The following RAD1 variants were observed in gnomAD, a reference collection of about 807,000 sequenced individuals.
The protein encoded by RAD1 is RAD1 checkpoint DNA exonuclease, also known as cell cycle checkpoint protein RAD1.
RAD1 carries 21 observed loss-of-function variants against 30.0 expected under a neutral mutation model. The ratio of observed to expected loss-of-function variants is 0.70; its 90% CI spans 0.50 to 1.01. RAD1 has a LOEUF of 1.01. Ranked by LOEUF, RAD1 falls within the 50% of genes least tolerant of loss-of-function variation. The probability of loss-of-function intolerance (pLI) is 0.00; values close to 1 mark genes in which losing one functional copy is unlikely to be tolerated. For synonymous variants in RAD1, 109 were observed against 113.6 expected (o/e 0.96, Z 0.26); for missense variants, 329 against 329.0 (o/e 1.00, Z 0.00).
chr5:34,908,975 T>C (rs1763746807), intron 5 of RAD1, 27 bp from the exon 6 acceptor site: 1 of 1,570,524 alleles, frequency 6.4e-7, no homozygotes, highest in Non-Finnish European at 8.7e-7. Context: ...AAAACGCTGT[T>C]ATATCAACAC....
intron 2 of RAD1, chr5:34,913,809 C>T: frequency 1.9e-6 from 1 of 528,426 alleles, no homozygotes; most frequent in Non-Finnish European, 3.5e-6. Flanking sequence ...GTTTTTGTGC[C>T]TATCACTACT....
Position 34,905,415 on chromosome 5 carries a change from T to C in RAD1, c.*3350A>G, listed in dbSNP as rs1763617333. The C allele has an allele frequency of 6.6e-6, 1 of 152,172 alleles. No homozygotes were observed. Among genetic ancestry groups the C allele is most frequent in the South Asian group, 2.1e-4 (1 of 4,832 alleles). The allele number at this position is 152,172 out of a possible 1,614,324, so 9.4% of individuals were successfully genotyped here. ...GCCCTTTTAGCAATTTTAATTAATT[T>C]TTACTAGGACTTTGGTAACACCACA... On this transcript the variant is annotated 3_prime_UTR_variant, in exon 6 of 6. Transcript: ENST00000382038.
rs751978805 is a variant in RAD1, at chr5:34,914,938, A to T, written c.-46T>A. 1 of 1,602,896 alleles carries T rather than the reference A, an allele frequency of 6.2e-7. No individual in the cohort carries two copies. Among genetic ancestry groups the T allele is most frequent in the East Asian group, 2.2e-5 (1 of 44,768 alleles). ...CCGAGGGATGCTCCTGGGGCCAACA[A>T]CTTCTCGGCGGATCGCCAAACACCT... On this transcript the variant is annotated 5_prime_UTR_variant, in exon 2 of 6. The change creates a new upstream start codon in the 5' untranslated region. Coordinates refer to ENST00000382038, the MANE Select transcript of RAD1 (RefSeq NM_002853.4).
At chr5:34,909,118 G>GT in intron 5 of RAD1, 140 bp downstream of exon 5, 3 of 870,652 alleles carry the variant, frequency 3.4e-6, no homozygotes, top group South Asian at 1.8e-5. Context: ...ACATCCCCTA[G>GT]TAAGTCCAGC....
Position 34,909,338 on chromosome 5 carries a change from A to G in RAD1, c.585T>C (p.Asn195=). 1 of 1,607,174 alleles carries G rather than the reference A, an allele frequency of 6.2e-7. No homozygotes were observed. Residue 195 remains asparagine (N), a synonymous_variant, in exon 5 of 6, where the codon AAT becomes AAC. Coordinates refer to ENST00000382038, the MANE Select transcript of RAD1 (RefSeq NM_002853.4). ...GATAGTCAAGGTGGGAACTTCCTGC[A>G]TTTCCAAAAGTAGATAACCTATAGA... ...KPYFRLSTFG[N]AGSSHLDYPK... is the part of the protein sequence containing the mutation.
At position 34,906,769 on chromosome 5, in the gene RAD1, T is replaced by C. The variant is rs951750224; in HGVS notation, c.*1996A>G. 1 of 152,244 alleles carries C rather than the reference T, an allele frequency of 6.6e-6. No individual in the cohort carries two copies. Among genetic ancestry groups the C allele is most frequent in the African/African-American group, 2.4e-5 (1 of 41,452 alleles). The allele number at this position is 152,244 out of a possible 1,614,324, so 9.4% of individuals were successfully genotyped here. A position where few individuals can be genotyped will look rare whatever the true frequency, so the allele number is the denominator to read the frequency against. On this transcript the variant is annotated 3_prime_UTR_variant, in exon 6 of 6. Transcript: ENST00000382038. Reference sequence around the variant, plus strand: ...TCTTTCATCTAACAGAGTTACTAAATGCCCATTATATGTTAGGCGCCGTTC... The same window carrying C: ...TCTTTCATCTAACAGAGTTACTAAACGCCCATTATATGTTAGGCGCCGTTC...
rs773273582 is a variant in RAD1, at chr5:34,914,784, G to C, written c.109C>G (p.Arg37Gly). The C allele has an allele frequency of 1.2e-6, 2 of 1,614,178 alleles. No individual in the cohort carries two copies. The highest frequency in any genetic ancestry group is 2.2e-5 in the South Asian group (2 of 91,084). ...GTTGCGAAACACGTGGCATGTTCTC[G>C]GAAATGAATAGCTTTCAAGATAGTG... ...LSTILKAIHF[R>G]EHATCFATKN... The change falls in exon 2 of 6, where the codon CGA becomes GGA. Residue 37 changes from arginine (R) to glycine (G), a missense_variant. Physicochemically the swap from Arg to Gly is moderately radical, Grantham distance 125 (BLOSUM62 -2). Transcript: ENST00000382038.
At chr5:34,913,710 C>CT in intron 2 of RAD1, 132 bp from the exon 3 acceptor site, 1 of 611,820 alleles carries the variant, frequency 1.6e-6, no homozygotes, top group Non-Finnish European at 2.9e-6. Context: ...TTCTGATTAG[C>CT]AATCAAAACA....
In RAD1 at chr5:34,907,774, A is replaced by G. The variant is rs1763698507; in HGVS notation, c.*991T>C. The G allele has an allele frequency of 6.6e-6, 1 of 152,364 alleles. No homozygotes were observed. The highest frequency in any genetic ancestry group is 2.1e-4 in the South Asian group (1 of 4,828). 9.4% of individuals were successfully genotyped at this position (152,364 alleles called of 1,614,324 possible). On this transcript the variant is annotated 3_prime_UTR_variant, in exon 6 of 6. Coordinates refer to ENST00000382038, the MANE Select transcript of RAD1 (RefSeq NM_002853.4). ...TTCAAAAGGTCTACTTTAAAAATAA[A>G]TCACATAAAGAATTGTTCAGACTTG...
At chr5:34,910,954 T>C (rs1490841348) in intron 4 of RAD1, among the ~76,000 whole-genome samples, 2 of 152,226 alleles carry the variant, frequency 1.3e-5, no homozygotes, top group East Asian at 1.9e-4. Context: ...CTGCCCTCCC[T>C]TGGGAAGCCA....
At position 34,908,246 on chromosome 5, in the gene RAD1, T is replaced by G. The variant is rs1247184397; in HGVS notation, c.*519A>C. ...TGGAGTGCAATGGCGTCATCTCAGC[T>G]CACCACAACCTCCGCCTCCCGGGTT... On this transcript the variant is annotated 3_prime_UTR_variant, in exon 6 of 6. Coordinates refer to ENST00000382038, the MANE Select transcript of RAD1 (RefSeq NM_002853.4). The G allele has an allele frequency of 6.7e-6, 1 of 148,506 alleles. No individual in the cohort carries two copies. Among genetic ancestry groups the G allele is most frequent in the East Asian group, 2.0e-4 (1 of 5,010 alleles). 9.2% of individuals were successfully genotyped at this position (148,506 alleles called of 1,614,324 possible). A position where few individuals can be genotyped will look rare whatever the true frequency, so the allele number is the denominator to read the frequency against.
rs1318294571 is a variant in RAD1 at position 34,914,935 on chromosome 5, A to G, written c.-43T>C. The G allele has an allele frequency of 6.2e-7, 1 of 1,606,982 alleles. No homozygotes were observed. Among genetic ancestry groups the G allele is most frequent in the South Asian group, 1.1e-5 (1 of 90,896 alleles). ...GCCCCGAGGGATGCTCCTGGGGCCA[A>G]CAACTTCTCGGCGGATCGCCAAACA... On this transcript the variant is annotated 5_prime_UTR_variant, in exon 2 of 6. Transcript: ENST00000382038.
In RAD1 at chr5:34,907,387, A is replaced by G. The variant is rs1263655863; in HGVS notation, c.*1378T>C. 5 of 152,194 alleles carry G rather than the reference A, an allele frequency of 3.3e-5. 1 individual carries two copies. Among genetic ancestry groups the G allele is most frequent in the Admixed American group, 2.0e-4 (3 of 15,282 alleles). 9.4% of individuals were successfully genotyped at this position (152,194 alleles called of 1,614,324 possible). ...GGGATGACAGGTTTTTATCCTAAAG[A>G]ACTGTCTCACTCAAAAGGCCAATAG... On this transcript the variant is annotated 3_prime_UTR_variant, in exon 6 of 6. Coordinates refer to ENST00000382038, the MANE Select transcript of RAD1 (RefSeq NM_002853.4).
Position 34,911,763 on chromosome 5 carries a change from C to T in RAD1, c.357G>A (p.Leu119=). Residue 119 remains leucine (L), a synonymous_variant, in exon 4 of 6, where the codon TTG becomes TTA. Coordinates refer to ENST00000382038, the MANE Select transcript of RAD1 (RefSeq NM_002853.4). Reference sequence around the variant, plus strand: ...CTCCTCCTTCTTCCAGGAACAGCATCAAAGGGTAACCATAACCTTGGTAAC... The same window carrying T: ...CTCCTCCTTCTTCCAGGAACAGCATTAAAGGGTAACCATAACCTTGGTAAC... The part of the protein sequence containing the change: ...RMCYQGYGYP[L]MLFLEEGGVV... 6.2e-7 allele frequency: 1 copy of T among 1,614,068 alleles called. No individual in the cohort carries two copies.
In RAD1 at chr5:34,906,566, G is replaced by A. The variant is rs938603410; in HGVS notation, c.*2199C>T. ...AGATGGGAGGATTGCTTGAGCCTAG[G>A]AGATTGAGGCTGGAGTGAACTGTAA... On this transcript the variant is annotated 3_prime_UTR_variant, in exon 6 of 6. Coordinates refer to ENST00000382038, the MANE Select transcript of RAD1 (RefSeq NM_002853.4). 1.3e-5 allele frequency: 2 copies of A among 152,134 alleles called. No homozygotes were observed. The highest frequency in any genetic ancestry group is 1.3e-4 in the Admixed American group (2 of 15,276). 9.4% of individuals were successfully genotyped at this position (152,134 alleles called of 1,614,324 possible). A position where few individuals can be genotyped will look rare whatever the true frequency, so the allele number is the denominator to read the frequency against.
At position 34,914,834 on chromosome 5, in the gene RAD1, C is replaced by T. The variant is rs550257905; in HGVS notation, c.59G>A (p.Ser20Asn). The change falls in exon 2 of 6, where the codon AGC becomes AAC. Residue 20 changes from serine (S) to asparagine (N), a missense_variant. By Grantham distance (46) the Ser-to-Asn change is conservative. Coordinates refer to ENST00000382038, the MANE Select transcript of RAD1 (RefSeq NM_002853.4). ...DEDDQYSLVA[S>N]LDNVRNLSTI... Reference sequence around the variant, plus strand: ...GGAGAGATTCCTAACGTTGTCAAGGCTGGCCACAAGGCTGTACTGATCATC... The same window carrying T: ...GGAGAGATTCCTAACGTTGTCAAGGTTGGCCACAAGGCTGTACTGATCATC... 6.2e-7 allele frequency: 1 copy of T among 1,614,184 alleles called. No individual in the cohort carries two copies. Among genetic ancestry groups the T allele is most frequent in the African/African-American group, 1.3e-5 (1 of 75,056 alleles).
At chr5:34,911,329 GCTTCT>G (rs1273032628) in intron 4 of RAD1, among the ~76,000 whole-genome samples, 1 of 152,118 alleles carries the variant, frequency 6.6e-6, no homozygotes, top group Admixed American at 6.5e-5. Context: ...AGAGGACTGG[GCTTCT>G]CATCTAGATG....
chr5:34,913,843 C>T (rs749737163), intron 2 of RAD1: 7 of 493,122 alleles, frequency 1.4e-5, no homozygotes, highest in Non-Finnish European at 3.9e-6. Context: ...GGAAAATAGA[C>T]GAATGACTTG....
At position 34,911,667 on chromosome 5, in the gene RAD1, A is replaced by G. The variant is rs775912375; in HGVS notation, c.453T>C (p.Asn151=). 5 of 1,614,146 alleles carry G rather than the reference A, an allele frequency of 3.1e-6. No homozygotes were observed. In the South Asian group the frequency reaches 5.5e-5, roughly 18 times the overall value. Residue 151 remains asparagine (N), a synonymous_variant, in exon 4 of 6, where the codon AAT becomes AAC. Transcript: ENST00000382038. The part of the protein sequence containing the change: ...ETLDFDFCST[N]VINKIILQSE... ...ACTGCAGAATAATTTTATTAATAAC[A>G]TTGGTGCTGCAGAAATCAAAGTCCA...
Sources: allele counts gnomAD v4.1 joint callset (sites outside exome capture counted in the v4.1 genomes callset), GRCh38; gene constraint gnomAD v4.1.1; transcripts MANE v1.5; gene names NCBI Gene and HGNC (gene_info 2026-07-23, HGNC 2026-07-21).